C1GALT1: variants seen among roughly 807,000 people sequenced by gnomAD.
C1GALT1 encodes glycoprotein-N-acetylgalactosamine 3-beta-galactosyltransferase 1.
Under a neutral mutation model 31.0 loss-of-function variants are expected in C1GALT1, and 11 were observed. The ratio of observed to expected loss-of-function variants is 0.36; its 90% CI spans 0.22 to 0.59. C1GALT1 has a LOEUF of 0.59. Ranked by LOEUF, C1GALT1 falls within the 20% of genes least tolerant of loss-of-function variation. The pLI is 0.79. For synonymous variants in C1GALT1, 175 were observed against 143.6 expected, an observed-to-expected ratio of 1.22 and a Z score of -1.56; for missense variants, 424 against 425.2, an observed-to-expected ratio of 1.00 and a Z score of 0.03.
chr7:7,182,883 C>T (rs1000459887), intron 1 of C1GALT1, 63 bp downstream of exon 1: 13 of 978,762 alleles, frequency 1.3e-5, no homozygotes, highest in South Asian at 9.5e-5. Context: ...TCGCCCTCCC[C>T]CCTCTCCGGG....
chr7:7,242,367 C>CT (rs1482804064), intron 3 of C1GALT1, among the ~76,000 whole-genome samples: 3 of 151,872 alleles, frequency 2.0e-5, no homozygotes, highest in African/African-American at 4.8e-5. Flanking sequence ...AGTAGGTTGT[C>CT]TAAGAATCTA....
chr7:7,229,745 G>A (rs1782978877), intron 1 of C1GALT1, among the ~76,000 whole-genome samples: 1 of 152,166 alleles, frequency 6.6e-6, no homozygotes, highest in South Asian at 2.1e-4. Flanking sequence ...CGGCCAACCT[G>A]AATGAGGGAA....
rs536499386 is a variant in C1GALT1, at chr7:7,158,393, C to T, written c.-18+967C>T. Among the ~76,000 whole-genome samples, 234 of 152,172 alleles carry T rather than the reference C, an allele frequency of 1.5e-3. 2 individuals carry two copies. Among genetic ancestry groups the T allele is most frequent in the Middle Eastern group, 0.01 (3 of 294 alleles). ...AAGGAAAAATAAGTCTCCAAGAAGG[C>T]ATTGGAGTTTGATGTGGACTCAAAT... On this transcript the variant is annotated intron_variant, in intron 2 of 3. Transcript: ENST00000429911.
At chr7:7,235,327 C>T (rs933283367) in intron 2 of C1GALT1, 1 of 152,128 alleles carries the variant, frequency 6.6e-6, no homozygotes, top group African/African-American at 2.4e-5. Flanking sequence ...CTTCTCTTCT[C>T]AGTAGTAAAT....
chr7:7,236,504 A>G (rs879687051), intron 2 of C1GALT1, among the ~76,000 whole-genome samples: 1 of 152,068 alleles, frequency 6.6e-6, no homozygotes, highest in Admixed American at 6.6e-5. Flanking sequence ...CTTGATACTC[A>G]GAGGGACATG....
intron 1 of C1GALT1, among the ~76,000 whole-genome samples, chr7:7,224,258 GTTTTTTTTGGTT>G (rs1251263961): frequency 6.7e-6 from 1 of 149,144 alleles, no homozygotes; most frequent in African/African-American, 2.5e-5. Context: ...GTAGTCTGTA[GTTTTTTTTGGTT>G]TTTTTTTTGT....
At chr7:7,178,101 C>G (rs1409034078), upstream of C1GALT1, 1 of 210,926 alleles carries the variant, frequency 4.7e-6, no homozygotes, top group Non-Finnish European at 1.0e-5. Context: ...AGGAAATGAT[C>G]CAGTTTGAAA....
chr7:7,234,307 A>G lies in C1GALT1; in HGVS notation c.-13A>G. 6.2e-7 allele frequency: 1 copy of G among 1,610,154 alleles called. No individual in the cohort carries two copies. Among genetic ancestry groups the G allele is most frequent in the Non-Finnish European group, 8.5e-7 (1 of 1,177,212 alleles). On this transcript the variant is annotated 5_prime_UTR_variant, in exon 2 of 4. In the 5' UTR this introduces an upstream ATG that the reference lacks. Coordinates refer to ENST00000436587, the MANE Select transcript of C1GALT1 (RefSeq NM_020156.5). ...TGCTAATTTTTGTTCTTACAGAAAT[A>G]CACTTTCGGGAAATGGCCTCTAAAT... is the stretch of plus-strand genomic sequence containing the variant.
At chr7:7,164,292 C>G (rs1320141789) in intron 2 of C1GALT1, among the ~76,000 whole-genome samples, 1 of 152,180 alleles carries the variant, frequency 6.6e-6, no homozygotes, top group East Asian at 1.9e-4. Context: ...GGATCCCTTC[C>G]TTACACCTTT....
Position 7,248,486 on chromosome 7 carries a change from G to A in C1GALT1, c.*4759G>A, listed in dbSNP as rs970586384. ...GTTACGAATGGTTTAAAAATGTCTGGTGACTTGCTTATTTTTAAGTGATCA... is the reference window on the plus strand; with the variant it reads ...GTTACGAATGGTTTAAAAATGTCTGATGACTTGCTTATTTTTAAGTGATCA... On this transcript the variant is annotated 3_prime_UTR_variant, in exon 4 of 4. Transcript: ENST00000436587. The A allele has an allele frequency of 6.6e-5, 10 of 152,004 alleles. No individual in the cohort carries two copies. The highest frequency in any genetic ancestry group is 3.4e-3 in the Middle Eastern group (1 of 294). 9.4% of individuals were successfully genotyped at this position (152,004 alleles called of 1,614,324 possible).
chr7:7,233,957 A>G (rs565255516), intron 1 of C1GALT1, among the ~76,000 whole-genome samples: 1 of 150,898 alleles, frequency 6.6e-6, no homozygotes, highest in East Asian at 2.0e-4. Context: ...GAGAAAAAGA[A>G]GTAGACTTCC....
intron 1 of C1GALT1, among the ~76,000 whole-genome samples, chr7:7,203,089 C>A (rs1781587786): frequency 8.7e-6 from 1 of 115,262 alleles, no homozygotes; most frequent in African/African-American, 3.7e-5. Flanking sequence ...TTAGTTCTAA[C>A]AGGTTTTTTT....
At chr7:7,205,748 A>G (rs934628373) in intron 1 of C1GALT1, among the ~76,000 whole-genome samples, 2 of 152,132 alleles carry the variant, frequency 1.3e-5, no homozygotes, top group Non-Finnish European at 2.9e-5. Context: ...TTGTTCTTGT[A>G]TGAATGGAAT....
At chr7:7,231,610 G>A (rs757004658) in intron 1 of C1GALT1, among the ~76,000 whole-genome samples, 18 of 151,558 alleles carry the variant, frequency 1.2e-4, no homozygotes, top group Admixed American at 2.6e-4. Context: ...TCTTAATCTT[G>A]CCATTTAATT....
intron 3 of C1GALT1, among the ~76,000 whole-genome samples, chr7:7,240,126 C>T (rs750942087): frequency 8.5e-5 from 13 of 152,208 alleles, no homozygotes; most frequent in African/African-American, 3.1e-4. Flanking sequence ...AACAGTGATT[C>T]TCAACCCAGG....
intron 1 of C1GALT1, among the ~76,000 whole-genome samples, chr7:7,206,246 A>G (rs887456590): frequency 1.3e-5 from 2 of 152,134 alleles, no homozygotes; most frequent in Non-Finnish European, 2.9e-5. Flanking sequence ...CAAAGTTACA[A>G]TAATACTAGA....
intron 1 of C1GALT1, chr7:7,210,514 A>T (rs1239113161): frequency 6.6e-6 from 1 of 152,284 alleles, no homozygotes; most frequent in Admixed American, 6.6e-5. Flanking sequence ...GTACAGAGAC[A>T]GAGGGAGGGA....
chr7:7,215,544 T>G (rs1008088340), intron 1 of C1GALT1, among the ~76,000 whole-genome samples: 12 of 152,088 alleles, frequency 7.9e-5, no homozygotes, highest in African/African-American at 2.7e-4. Flanking sequence ...TGGAAGAACA[T>G]TATAAAAGAG....
chr7:7,227,069 C>CTTAA (rs1333963163), intron 1 of C1GALT1, among the ~76,000 whole-genome samples: 1 of 151,956 alleles, frequency 6.6e-6, no homozygotes, highest in African/African-American at 2.4e-5. Context: ...GTAAACTTTT[C>CTTAA]TTAATTTTTA....
Sources: gnomAD v4.1 joint callset for allele counts (sites outside exome capture counted in the v4.1 genomes callset) on GRCh38, gnomAD v4.1.1 for gene constraint, MANE v1.5 for transcripts, NCBI Gene and HGNC (gene_info 2026-07-23, HGNC 2026-07-21) for gene names.